The following SIPA1L3 variants were observed in gnomAD, a reference collection of about 807,000 sequenced individuals.
SIPA1L3 encodes the protein signal-induced proliferation-associated 1-like protein 3.
SIPA1L3 carries 59 observed loss-of-function variants against 150.1 expected under a neutral mutation model. The observed-to-expected ratio is 0.39, with a 90% CI of 0.32 to 0.49. SIPA1L3 has a LOEUF of 0.49. Ranked by LOEUF, SIPA1L3 falls within the 20% of genes least tolerant of loss-of-function variation. The pLI is 0.86. For missense variants in SIPA1L3, 2,211 were observed against 2,489.5 expected (o/e 0.89, Z 2.38); for synonymous variants, 1,070 against 1,077.6 (o/e 0.99, Z 0.14).
At chr19:38,158,490 G>T (rs900683429) in intron 13 of SIPA1L3, among the ~76,000 whole-genome samples, 36 of 152,142 alleles carry the variant, frequency 2.4e-4, no homozygotes, top group African/African-American at 8.7e-4. Context: ...GGAGGCGGTT[G>T]TCCTGTACTG....
intron 1 of SIPA1L3, among the ~76,000 whole-genome samples, chr19:37,928,573 C>T (rs1442941411): frequency 6.6e-5 from 10 of 151,926 alleles, no homozygotes; most frequent in African/African-American, 2.2e-4. Context: ...AGTGAGACTC[C>T]GTCTCAAAAA....
At chr19:38,009,327 G>A (rs1356952628) in intron 1 of SIPA1L3, among the ~76,000 whole-genome samples, 2 of 152,040 alleles carry the variant, frequency 1.3e-5, no homozygotes, top group Non-Finnish European at 2.9e-5. Context: ...CCTATTCTGG[G>A]CTATTATTCC....
intron 6 of SIPA1L3, among the ~76,000 whole-genome samples, chr19:38,104,195 G>C (rs919358192): frequency 3.9e-5 from 6 of 152,326 alleles, no homozygotes; most frequent in Non-Finnish European, 7.3e-5. Flanking sequence ...ATCTTAGAGA[G>C]AGAAGTGAGG....
Position 37,907,340 on chromosome 19 carries a change from G to T in SIPA1L3, c.-397G>T, listed in dbSNP as rs1400207473. 3.3e-5 allele frequency: 5 copies of T among 152,408 alleles called. No homozygotes were observed. The highest frequency in any genetic ancestry group is 5.9e-5 in the Non-Finnish European group (4 of 68,050). 9.4% of individuals were successfully genotyped at this position (152,408 alleles called of 1,614,324 possible). On this transcript the variant is annotated 5_prime_UTR_variant, in exon 1 of 22. Transcript: ENST00000222345. ...GCCGCGATCGTGGGGCCCGCGAGGC[G>T]GGCAGCCGGGGCGTCCAGGTACGTG...
chr19:38,108,244 G>A (rs1397152000), intron 7 of SIPA1L3, among the ~76,000 whole-genome samples: 1 of 152,168 alleles, frequency 6.6e-6, no homozygotes, highest in African/African-American at 2.4e-5. Context: ...CTTTTCCTGA[G>A]TATGTGGGAG....
chr19:37,940,860 G>A (rs2046648231), intron 1 of SIPA1L3, among the ~76,000 whole-genome samples: 1 of 152,070 alleles, frequency 6.6e-6, no homozygotes, highest in Non-Finnish European at 1.5e-5. Flanking sequence ...GGGATTGCAG[G>A]AGTGAGCCAC....
intron 1 of SIPA1L3, among the ~76,000 whole-genome samples, chr19:38,015,930 G>T (rs1968222302): frequency 6.6e-6 from 1 of 151,980 alleles, no homozygotes; most frequent in South Asian, 2.1e-4. Flanking sequence ...TTTCAATCTT[G>T]CTGAACTTGC....
intron 16 of SIPA1L3, chr19:38,185,103 A>G (rs1156649631): frequency 6.6e-6 from 1 of 152,448 alleles, no homozygotes; most frequent in Non-Finnish European, 1.5e-5. Flanking sequence ...GGTGCAGCTC[A>G]TGAGGACTCG....
intron 2 of SIPA1L3, among the ~76,000 whole-genome samples, chr19:38,042,294 T>A (rs574248829): frequency 6.6e-6 from 1 of 152,332 alleles, no homozygotes; most frequent in South Asian, 2.1e-4. Context: ...TTTGGATTTA[T>A]TTCTGGGCTA....
At chr19:37,961,598 CTCTT>C (rs2046858938) in intron 1 of SIPA1L3, among the ~76,000 whole-genome samples, 1 of 152,140 alleles carries the variant, frequency 6.6e-6, no homozygotes, top group African/African-American at 2.4e-5. Context: ...CAGTGTGGCT[CTCTT>C]TCTATTTATT....
intron 9 of SIPA1L3, among the ~76,000 whole-genome samples, chr19:38,127,404 C>T (rs1000235847): frequency 2.6e-5 from 4 of 152,108 alleles, no homozygotes; most frequent in Non-Finnish European, 4.4e-5. Context: ...AAAAAATTAA[C>T]GATAATTCCT....
chr19:38,134,119 G>A (rs1314593227), intron 10 of SIPA1L3, among the ~76,000 whole-genome samples: 1 of 151,776 alleles, frequency 6.6e-6, no homozygotes, highest in African/African-American at 2.4e-5. Context: ...GAGTAGCTGG[G>A]ACTACAGGCA....
rs184549810 is a variant in SIPA1L3, at chr19:37,952,493, T to C, written c.-379+45135T>C. On this transcript the variant is annotated intron_variant, in intron 1 of 21. Transcript: ENST00000222345. ...TTCAAAACCAGCCTGGCCAACATGG[T>C]GAAACCCTGTCTTTACTAAAAATGC... Among the ~76,000 whole-genome samples the C allele has an allele frequency of 2.3e-3, 348 of 151,954 alleles. 1 individual carries two copies. The highest frequency in any genetic ancestry group is 8.0e-3 in the African/African-American group (330 of 41,446).
intron 1 of SIPA1L3, among the ~76,000 whole-genome samples, chr19:37,985,468 G>A (rs1475209159): frequency 6.6e-6 from 1 of 152,072 alleles, no homozygotes; most frequent in Non-Finnish European, 1.5e-5. Flanking sequence ...TTCAAAACCA[G>A]CCTAGACAAT....
chr19:38,033,173 G>T (rs778591150), intron 2 of SIPA1L3, among the ~76,000 whole-genome samples: 1 of 152,200 alleles, frequency 6.6e-6, no homozygotes, highest in Non-Finnish European at 1.5e-5. Flanking sequence ...TCTTATCCCT[G>T]AGTATTGCCA....
At chr19:38,061,848 G>T (rs1036212909) in intron 2 of SIPA1L3, among the ~76,000 whole-genome samples, 2 of 150,480 alleles carry the variant, frequency 1.3e-5, no homozygotes, top group African/African-American at 4.9e-5. Context: ...CTGGCTAATT[G>T]GTTATCTGGT....
Position 38,101,130 on chromosome 19 carries a change from G to C in SIPA1L3, c.1933G>C (p.Glu645Gln). ...SSEEEMYNNE[E>Q]AGPAFEEFLS... is the part of the protein sequence containing the mutation. ...CGAGGAGGAGATGTACAACAATGAGGAGGCCGGCCCCGCCTTTGAGGAGTT... is the reference window on the plus strand; with the variant it reads ...CGAGGAGGAGATGTACAACAATGAGCAGGCCGGCCCCGCCTTTGAGGAGTT... The change falls in exon 6 of 22, where the codon GAG becomes CAG. Residue 645 changes from glutamate (E) to glutamine (Q), a missense_variant. Physicochemically the swap from Glu to Gln is conservative, Grantham distance 29 (BLOSUM62 2). Around this residue, in one of 5 missense-constraint regions of SIPA1L3, gnomAD observed 625 missense variants for 804.2 expected, o/e 0.78. Transcript: ENST00000222345. 1 of 1,610,738 alleles carries C rather than the reference G, an allele frequency of 6.2e-7. No individual in the cohort carries two copies. The highest frequency in any genetic ancestry group is 8.5e-7 in the Non-Finnish European group (1 of 1,179,056).
intron 1 of SIPA1L3, among the ~76,000 whole-genome samples, chr19:38,020,689 A>G (rs1325880306): frequency 1.3e-5 from 2 of 152,050 alleles, no homozygotes; most frequent in South Asian, 4.1e-4. Context: ...GAAAGAAGCT[A>G]TTCTCTCTTC....
intron 1 of SIPA1L3, among the ~76,000 whole-genome samples, chr19:37,943,431 C>G (rs1258211084): frequency 1.3e-5 from 2 of 152,164 alleles, no homozygotes; most frequent in African/African-American, 4.8e-5. Context: ...AGCCAAATGT[C>G]AGTGTCATAC....
Sources: allele counts gnomAD v4.1 joint callset (sites outside exome capture counted in the v4.1 genomes callset), GRCh38; gene constraint gnomAD v4.1.1; regional missense constraint gnomAD v4.1.1; transcripts MANE v1.5; gene names NCBI Gene and HGNC (gene_info 2026-07-23, HGNC 2026-07-21).